KHDRBS2: variants seen among roughly 807,000 people sequenced by gnomAD.
KHDRBS2 encodes KH domain-containing, RNA-binding, signal transduction-associated protein 2.
A neutral mutation model predicts 44.3 loss-of-function variants in KHDRBS2; 26 were observed. That is an observed-to-expected ratio of 0.59 (90% CI 0.43 to 0.81). The LOEUF (loss-of-function observed/expected upper bound fraction) is 0.81. KHDRBS2 is among the 40% of genes least tolerant of loss of function. The pLI is 0.00. For missense variants in KHDRBS2, 476 were observed against 433.1 expected, an observed-to-expected ratio of 1.10 and a Z score of -0.88; for synonymous variants, 194 against 151.1, an observed-to-expected ratio of 1.28 and a Z score of -2.08.
the KHDRBS2 span, among the ~76,000 whole-genome samples, chr6:61,620,968 C>T: frequency 6.6e-6 from 1 of 152,170 alleles, no homozygotes; most frequent in Non-Finnish European, 1.5e-5. Flanking sequence ...TCTTTTATCC[C>T]TAATATGTAT....
At chr6:61,636,437 C>T in the KHDRBS2 span, among the ~76,000 whole-genome samples, 1 of 152,038 alleles carries the variant, frequency 6.6e-6, no homozygotes, top group South Asian at 2.1e-4. Context: ...CATATTAGTC[C>T]TCATACCTTT....
intron 4 of KHDRBS2, among the ~76,000 whole-genome samples, chr6:61,975,675 A>ACG (rs1369338453): frequency 4.7e-4 from 66 of 139,914 alleles, no homozygotes; most frequent in African/African-American, 1.6e-3. Context: ...ACACACACAC[A>ACG]CACACAGAGA....
chr6:61,783,920 A>T (rs1186003413), intron 6 of KHDRBS2, among the ~76,000 whole-genome samples: 6 of 152,042 alleles, frequency 3.9e-5, no homozygotes, highest in African/African-American at 1.2e-4. Flanking sequence ...ATCAGGCATC[A>T]TTCTTTTAAA....
intron 2 of KHDRBS2, among the ~76,000 whole-genome samples, chr6:62,055,453 A>C (rs549728443): frequency 6.6e-6 from 1 of 152,062 alleles, no homozygotes; most frequent in Non-Finnish European, 1.5e-5. Flanking sequence ...CAGAGTGTGG[A>C]GAAACATGTA....
intron 6 of KHDRBS2, among the ~76,000 whole-genome samples, chr6:61,830,112 A>G (rs1437388574): frequency 6.6e-6 from 1 of 152,220 alleles, no homozygotes; most frequent in Admixed American, 6.5e-5. Flanking sequence ...AATATAAAAT[A>G]TAATATGAAA....
intron 6 of KHDRBS2, among the ~76,000 whole-genome samples, chr6:61,762,078 G>C (rs184873283): frequency 1.3e-5 from 2 of 152,238 alleles, no homozygotes; most frequent in Admixed American, 1.3e-4. Flanking sequence ...ACTAGCAAAA[G>C]GGATTATTCT....
At chr6:61,909,618 T>A (rs1562421670) in intron 4 of KHDRBS2, among the ~76,000 whole-genome samples, 1 of 151,946 alleles carries the variant, frequency 6.6e-6, no homozygotes, top group Non-Finnish European at 1.5e-5. Flanking sequence ...CGTGACACCA[T>A]ATGGTGTAAA....
chr6:61,819,678 G>C (rs1302850062), intron 6 of KHDRBS2, among the ~76,000 whole-genome samples: 1 of 151,938 alleles, frequency 6.6e-6, no homozygotes, highest in Non-Finnish European at 1.5e-5. Flanking sequence ...CAATATTAGA[G>C]AAAGCAAATT....
chr6:62,169,125 ATACATATACACACATATATGTG>A (rs1819362589), intron 2 of KHDRBS2, among the ~76,000 whole-genome samples: 2 of 137,760 alleles, frequency 1.5e-5, no homozygotes, highest in Admixed American at 7.3e-5. Flanking sequence ...GTGTGTATAT[ATACATATACACACATATATGTG>A]TGTATATATA....
At chr6:62,050,126 A>T (rs1298493071) in intron 2 of KHDRBS2, among the ~76,000 whole-genome samples, 2 of 152,106 alleles carry the variant, frequency 1.3e-5, no homozygotes, top group Non-Finnish European at 2.9e-5. Flanking sequence ...AAAAAGGATG[A>T]GTTCATGCCC....
At chr6:62,162,289 G>A (rs1240258888) in intron 2 of KHDRBS2, among the ~76,000 whole-genome samples, 1 of 152,012 alleles carries the variant, frequency 6.6e-6, no homozygotes, top group Non-Finnish European at 1.5e-5. Flanking sequence ...AACTCTCTCT[G>A]AGCTGTTGTG....
chr6:62,101,105 G>A (rs1201444610), intron 2 of KHDRBS2, among the ~76,000 whole-genome samples: 3 of 152,126 alleles, frequency 2.0e-5, no homozygotes, highest in African/African-American at 2.4e-5. Flanking sequence ...AGTTTAAAAT[G>A]TTCAGGCAGT....
intron 6 of KHDRBS2, among the ~76,000 whole-genome samples, chr6:61,860,877 A>T (rs958078783): frequency 6.6e-6 from 1 of 152,090 alleles, no homozygotes; most frequent in African/African-American, 2.4e-5. Context: ...TCTCGACAGC[A>T]TCTGTTCTTT....
chr6:62,177,506 C>G (rs966492359), intron 1 of KHDRBS2, among the ~76,000 whole-genome samples, 194 bp from the exon 2 acceptor site: 2 of 150,706 alleles, frequency 1.3e-5, no homozygotes, highest in African/African-American at 4.9e-5. Flanking sequence ...GTAAGAGAAC[C>G]TCTGTCAACT....
At chr6:61,663,796 C>A in the KHDRBS2 span, among the ~76,000 whole-genome samples, 13 of 151,474 alleles carry the variant, frequency 8.6e-5, no homozygotes, top group African/African-American at 3.1e-4. Context: ...GATGAATAAA[C>A]TTTAAGATGT....
the KHDRBS2 span, among the ~76,000 whole-genome samples, chr6:61,564,955 T>G: frequency 6.6e-6 from 1 of 151,904 alleles, no homozygotes; most frequent in Non-Finnish European, 1.5e-5. Context: ...TACAGACCAA[T>G]GAGACAGAAT....
Position 61,939,148 on chromosome 6 carries a change from T to C in KHDRBS2, c.484-37777A>G, listed in dbSNP as rs188401127. ...ACACCAAAAATTATCTGGCCTGAAATGTTAATTATGCTGAAGTTGTGAAAT... is the reference window on the plus strand; with the variant it reads ...ACACCAAAAATTATCTGGCCTGAAACGTTAATTATGCTGAAGTTGTGAAAT... On this transcript the variant is annotated intron_variant, in intron 4 of 8. Transcript: ENST00000281156. 2.2e-3 allele frequency among the ~76,000 whole-genome samples: 338 copies of C among 152,256 alleles called. 2 individuals are homozygous for C. The Middle Eastern group carries it at 0.034, about 15-fold the overall frequency.
intron 3 of KHDRBS2, among the ~76,000 whole-genome samples, chr6:62,008,703 C>T (rs1779731642): frequency 6.6e-6 from 1 of 152,002 alleles, no homozygotes; most frequent in Non-Finnish European, 1.5e-5. Context: ...TGGGTCTTTC[C>T]CATGCTGTTC....
chr6:62,002,262 T>C (rs1271076178), intron 3 of KHDRBS2, among the ~76,000 whole-genome samples: 1 of 152,006 alleles, frequency 6.6e-6, no homozygotes, highest in Non-Finnish European at 1.5e-5. Context: ...GAATAAATCA[T>C]GAATGAAGTA....
Sources: gnomAD v4.1 joint callset for allele counts (sites outside exome capture counted in the v4.1 genomes callset) on GRCh38, gnomAD v4.1.1 for gene constraint, MANE v1.5 for transcripts, NCBI Gene and HGNC (gene_info 2026-07-23, HGNC 2026-07-21) for gene names.